The following GSK3B variants were observed in gnomAD, a reference collection of about 807,000 sequenced individuals.
GSK3B encodes the protein glycogen synthase kinase-3 beta.
In GSK3B, 15 loss-of-function variants were observed where a neutral mutation model predicts 56.4. The ratio of observed to expected loss-of-function variants is 0.27; its 90% CI spans 0.18 to 0.41. The LOEUF (loss-of-function observed/expected upper bound fraction) is 0.41. GSK3B is among the 10% of genes least tolerant of loss of function. The probability of loss-of-function intolerance (pLI) is 1.00; values close to 1 mark genes in which losing one functional copy is unlikely to be tolerated. For synonymous variants in GSK3B, 181 were observed against 188.9 expected (o/e 0.96, Z 0.34); for missense variants, 300 against 513.4 (o/e 0.58, Z 4.02).
intron 7 of GSK3B, among the ~76,000 whole-genome samples, chr3:119,896,968 T>C (rs1445444089): frequency 6.6e-6 from 1 of 152,176 alleles, no homozygotes; most frequent in Non-Finnish European, 1.5e-5. Flanking sequence ...CCAGGAAAAG[T>C]AATCATATGG....
intron 10 of GSK3B, 133 bp from the exon 11 acceptor site, chr3:119,826,988 A>G: frequency 1.6e-6 from 1 of 631,430 alleles, no homozygotes. Context: ...TGTTTTAAAT[A>G]AGGCCAACAC....
At chr3:119,834,213 G>A (rs1559801097) in intron 10 of GSK3B, among the ~76,000 whole-genome samples, 1 of 152,130 alleles carries the variant, frequency 6.6e-6, no homozygotes, top group Admixed American at 6.5e-5. Context: ...TACTCAAGCT[G>A]TTCCAAGTGG....
intron 1 of GSK3B, among the ~76,000 whole-genome samples, chr3:120,046,909 C>A (rs2058108675): frequency 1.3e-5 from 2 of 152,154 alleles, no homozygotes; most frequent in South Asian, 4.1e-4. Context: ...CCGCTCCCAG[C>A]CTAAACTTTT....
intron 9 of GSK3B, among the ~76,000 whole-genome samples, chr3:119,857,684 T>A (rs2056040494): frequency 6.6e-6 from 1 of 152,222 alleles, no homozygotes; most frequent in Non-Finnish European, 1.5e-5. Context: ...TATTTGGACC[T>A]CTTTCACAAA....
chr3:120,035,394 C>T (rs141833104), intron 1 of GSK3B, among the ~76,000 whole-genome samples: 9 of 152,322 alleles, frequency 5.9e-5, no homozygotes, highest in African/African-American at 2.2e-4. Flanking sequence ...TTTTAAGCCA[C>T]CTAGTTTTGG....
At chr3:119,846,466 A>C (rs2108014858) in intron 9 of GSK3B, among the ~76,000 whole-genome samples, 1 of 152,348 alleles carries the variant, frequency 6.6e-6, no homozygotes, top group Non-Finnish European at 1.5e-5. Context: ...ATCCCATCAA[A>C]AAGTGGGCGA....
chr3:120,007,636 C>T (rs571582097), intron 1 of GSK3B, among the ~76,000 whole-genome samples: 35 of 152,276 alleles, frequency 2.3e-4, no homozygotes, highest in African/African-American at 8.2e-4. Context: ...TAAATGTAAT[C>T]CATCACATAA....
chr3:119,896,011 C>T (rs2108070582), intron 7 of GSK3B, among the ~76,000 whole-genome samples: 1 of 151,686 alleles, frequency 6.6e-6, no homozygotes, highest in Non-Finnish European at 1.5e-5. Context: ...GCCTGTAGTC[C>T]CAGATACTCA....
chr3:119,881,807 G>A (rs1303051661), intron 7 of GSK3B, among the ~76,000 whole-genome samples: 1 of 152,212 alleles, frequency 6.6e-6, no homozygotes, highest in East Asian at 1.9e-4. Flanking sequence ...GACCCAGTGG[G>A]AGATAACTGA....
chr3:119,928,604 C>CAAAAAAACAAAA (rs1430388699), intron 3 of GSK3B, among the ~76,000 whole-genome samples: 1 of 28,640 alleles, frequency 3.5e-5, no homozygotes, highest in Admixed American at 3.9e-4. Context: ...GACTCCATAT[C>CAAAAAAACAAAA]AAAAAAATAA....
At chr3:119,853,297 C>T (rs552219042) in intron 9 of GSK3B, among the ~76,000 whole-genome samples, 1 of 152,264 alleles carries the variant, frequency 6.6e-6, no homozygotes, top group Non-Finnish European at 1.5e-5. Flanking sequence ...TGTTTTGGTA[C>T]CAGTACCATG....
rs778753553 is a variant in GSK3B, at chr3:119,876,452, T to C, written c.870A>G (p.Glu290=). 6 of 1,610,500 alleles carry C rather than the reference T, an allele frequency of 3.7e-6. No homozygotes were observed. The highest frequency in any genetic ancestry group is 5.1e-6 in the Non-Finnish European group (6 of 1,176,952). The change falls in exon 8 of 11, where the codon GAA becomes GAG. Residue 290 remains glutamate, a synonymous_variant. Coordinates refer to ENST00000264235, the MANE Select transcript of GSK3B (RefSeq NM_001146156.2). The part of the protein sequence containing the change: ...QIREMNPNYT[E]FKFPQIKAHP... ...GTGCCTTAATTTGAGGGAATTTAAA[T>C]TCTGTGTAGTTTGGGTTCATTTCTC...
At chr3:119,935,476 T>C (rs2056984787) in intron 3 of GSK3B, among the ~76,000 whole-genome samples, 1 of 152,136 alleles carries the variant, frequency 6.6e-6, no homozygotes, top group Non-Finnish European at 1.5e-5. Context: ...CCTAATCATA[T>C]ATGAACCCAC....
intron 3 of GSK3B, among the ~76,000 whole-genome samples, chr3:119,929,919 A>G (rs1197307348): frequency 2.7e-5 from 4 of 149,708 alleles, no homozygotes; most frequent in East Asian, 3.9e-4. Flanking sequence ...AAAAAAAAAA[A>G]TAATAATAAT....
intron 2 of GSK3B, among the ~76,000 whole-genome samples, chr3:119,986,661 G>C (rs1275241237): frequency 6.6e-6 from 1 of 152,098 alleles, no homozygotes; most frequent in Admixed American, 6.5e-5. Context: ...TAGAATGGCG[G>C]TCGTTAAAAA....
chr3:119,868,457 T>C (rs2056210584), intron 8 of GSK3B, among the ~76,000 whole-genome samples: 1 of 152,192 alleles, frequency 6.6e-6, no homozygotes, highest in Non-Finnish European at 1.5e-5. Flanking sequence ...AGAATAGACT[T>C]TGTCCTTCAA....
chr3:120,015,620 A>T (rs1052523441), intron 1 of GSK3B, among the ~76,000 whole-genome samples: 2 of 126,976 alleles, frequency 1.6e-5, no homozygotes, highest in African/African-American at 6.0e-5. Context: ...ATTGCACTCC[A>T]GCCTGGGAGA....
intron 7 of GSK3B, among the ~76,000 whole-genome samples, chr3:119,878,421 T>C (rs986199718): frequency 2.6e-5 from 4 of 152,086 alleles, no homozygotes; most frequent in Admixed American, 2.6e-4. Context: ...TACCACCATA[T>C]ACCCAATAAG....
chr3:120,078,701 C>A lies in GSK3B; in HGVS notation c.88+14646G>T, dbSNP rs2058387662. On this transcript the variant is annotated intron_variant, in intron 1 of 10. Transcript: ENST00000264235. Reference sequence around the variant, plus strand: ...CCGTGTAGCTGGGATTACAAGCGTGCACCACCATGCCCAGCTAATTTTTGT... The same window carrying A: ...CCGTGTAGCTGGGATTACAAGCGTGAACCACCATGCCCAGCTAATTTTTGT... Among the ~76,000 whole-genome samples, 3 of 151,222 alleles carry A rather than the reference C, an allele frequency of 2.0e-5. No homozygotes were observed. In the South Asian group the frequency reaches 6.3e-4, roughly 32 times the overall value.
Sources: gnomAD v4.1 joint callset for allele counts (sites outside exome capture counted in the v4.1 genomes callset) on GRCh38, gnomAD v4.1.1 for gene constraint, MANE v1.5 for transcripts, NCBI Gene and HGNC (gene_info 2026-07-23, HGNC 2026-07-21) for gene names.